The following ANO5 variants were observed in gnomAD, a reference collection of about 807,000 sequenced individuals.
The protein encoded by ANO5 is anoctamin 5, also known as anoctamin-5.
ANO5 carries 109 observed loss-of-function variants against 121.0 expected under a neutral mutation model. The observed-to-expected ratio is 0.90, with a 90% CI of 0.77 to 1.06. The LOEUF (loss-of-function observed/expected upper bound fraction) is 1.06. Ranked by LOEUF, ANO5 falls within the 50% of genes least tolerant of loss-of-function variation. The pLI is 0.00. For missense variants in ANO5, 1,064 were observed against 1,078.5 expected, an observed-to-expected ratio of 0.99 and a Z score of 0.19; for synonymous variants, 406 against 359.9, an observed-to-expected ratio of 1.13 and a Z score of -1.45.
chr11:22,225,092 G>A (rs1852779444), intron 5 of ANO5, among the ~76,000 whole-genome samples: 1 of 151,812 alleles, frequency 6.6e-6, no homozygotes, highest in Non-Finnish European at 1.5e-5. Context: ...AAGATGGTAA[G>A]TTATATATGT....
In ANO5 at chr11:22,221,221, T is replaced by A; in HGVS notation, c.294+11T>A. ...GCAGAGTTAAAGGCGGTAAGTGCAT[T>A]ATAACAGAAGTGGGAATAATAAAAA... On this transcript the variant is annotated intron_variant, in intron 5 of 21. Coordinates refer to ENST00000324559, the MANE Select transcript of ANO5 (RefSeq NM_213599.3). 6.4e-7 allele frequency: 1 copy of A among 1,565,896 alleles called. No homozygotes were observed. The highest frequency in any genetic ancestry group is 1.4e-5 in the African/African-American group (1 of 73,802).
intron 1 of ANO5, among the ~76,000 whole-genome samples, chr11:22,196,586 G>A (rs1851819622): frequency 6.7e-6 from 1 of 149,556 alleles, no homozygotes; most frequent in African/African-American, 2.5e-5. Context: ...AAATGACACT[G>A]TTGGCTGGGT....
Position 22,282,865 on chromosome 11 carries a change from T to C in ANO5, c.*3100T>C, listed in dbSNP as rs1855129294. ...TTGAAAGAAACTCTCTCATATTTCCTTTAAATTGTTAATAGTTGTTATGCA... is the reference window on the plus strand; with the variant it reads ...TTGAAAGAAACTCTCTCATATTTCCCTTAAATTGTTAATAGTTGTTATGCA... On this transcript the variant is annotated 3_prime_UTR_variant, in exon 22 of 22. Coordinates refer to ENST00000324559, the MANE Select transcript of ANO5 (RefSeq NM_213599.3). The C allele has an allele frequency of 6.6e-6, 1 of 152,182 alleles. No individual in the cohort carries two copies. Among genetic ancestry groups the C allele is most frequent in the Admixed American group, 6.5e-5 (1 of 15,276 alleles). 9.4% of individuals were successfully genotyped at this position (152,182 alleles called of 1,614,324 possible). A position where few individuals can be genotyped will look rare whatever the true frequency, so the allele number is the denominator to read the frequency against.
In ANO5 at chr11:22,270,371, G is replaced by A. The variant is rs1263581083; in HGVS notation, c.1958G>A (p.Ser653Asn). ...CGGACAAACTCTGAGAAGCTGTATA[G>A]TCGATGGGAGCAGGATCATGACCTT... ...KARTNSEKLY[S>N]RWEQDHDLES... The change falls in exon 18 of 22, where the codon AGT becomes AAT. Residue 653 changes from serine (S) to asparagine (N), a missense_variant. Transcript: ENST00000324559. 2 of 1,614,182 alleles carry A rather than the reference G, an allele frequency of 1.2e-6. No individual in the cohort carries two copies. Among genetic ancestry groups the A allele is most frequent in the East Asian group, 2.2e-5 (1 of 44,876 alleles).
intron 1 of ANO5, among the ~76,000 whole-genome samples, chr11:22,196,517 A>G (rs1444425449): frequency 5.5e-5 from 5 of 90,416 alleles, no homozygotes; most frequent in African/African-American, 1.9e-4. Flanking sequence ...TTTTTTTTTT[A>G]ATGAACATTC....
chr11:22,278,254 A>ATTGT (rs1261980687), intron 21 of ANO5, among the ~76,000 whole-genome samples: 1 of 151,580 alleles, frequency 6.6e-6, no homozygotes, highest in African/African-American at 2.4e-5. Flanking sequence ...GTCAATATTC[A>ATTGT]TTGTTTTAAA....
In ANO5 at chr11:22,193,406, A is replaced by G; in HGVS notation, c.-87A>G. ...ACTCCGGCGGCCCACAGTCAGATTC[A>G]GCACCTGCCTCAGATCTCCACGTCT... On this transcript the variant is annotated 5_prime_UTR_variant, in exon 1 of 22. Transcript: ENST00000324559. 1 of 1,553,762 alleles carries G rather than the reference A, an allele frequency of 6.4e-7. No individual in the cohort carries two copies. The highest frequency in any genetic ancestry group is 8.7e-7 in the Non-Finnish European group (1 of 1,150,580).
At chr11:22,237,642 G>A (rs1013990495) in intron 8 of ANO5, among the ~76,000 whole-genome samples, 7 of 152,048 alleles carry the variant, frequency 4.6e-5, no homozygotes, top group Middle Eastern at 3.2e-3. Context: ...TATTTATTCA[G>A]TAGTATGAGA....
chr11:22,260,553 T>C (rs1330642449), intron 15 of ANO5, among the ~76,000 whole-genome samples: 3 of 152,320 alleles, frequency 2.0e-5, no homozygotes, highest in South Asian at 2.1e-4. Context: ...CATTTTTACT[T>C]TTCTCTGCTA....
intron 9 of ANO5, among the ~76,000 whole-genome samples, chr11:22,241,687 T>A (rs554628270): frequency 6.6e-6 from 1 of 152,262 alleles, no homozygotes; most frequent in East Asian, 1.9e-4. Context: ...TGCTTGTATG[T>A]ATTTTGAGAA....
intron 1 of ANO5, among the ~76,000 whole-genome samples, chr11:22,199,497 G>C (rs914374273): frequency 1.3e-5 from 2 of 152,062 alleles, no homozygotes; most frequent in Admixed American, 1.3e-4. Flanking sequence ...GTAGCCTGTA[G>C]CCTCTGCTGT....
Position 22,259,716 on chromosome 11 carries a change from G to A in ANO5, c.1605G>A (p.Lys535=). 1 of 1,613,692 alleles carries A rather than the reference G, an allele frequency of 6.2e-7. No individual in the cohort carries two copies. Among genetic ancestry groups the A allele is most frequent in the Admixed American group, 1.7e-5 (1 of 59,994 alleles). Residue 535 remains lysine (K), a synonymous_variant, in exon 15 of 22, where the codon AAG becomes AAA. Transcript: ENST00000324559. ...TGATCTTGAATTTCTTTTATGAAAA[G>A]ATATCTGCCTGGATCACAAAAATGG... is the stretch of plus-strand genomic sequence containing the variant. ...VILILNFFYE[K]ISAWITKMEI...
rs1564920111 is a variant in ANO5 at position 22,221,224 on chromosome 11, A to C, written c.294+14A>C. ...GAGTTAAAGGCGGTAAGTGCATTAT[A>C]ACAGAAGTGGGAATAATAAAAAGAA... On this transcript the variant is annotated intron_variant, in intron 5 of 21. Coordinates refer to ENST00000324559, the MANE Select transcript of ANO5 (RefSeq NM_213599.3). The C allele has an allele frequency of 2.6e-6, 4 of 1,552,864 alleles. No homozygotes were observed. The South Asian group carries it at 4.5e-5, about 17-fold the overall frequency.
intron 8 of ANO5, among the ~76,000 whole-genome samples, chr11:22,238,278 G>T (rs1310380923): frequency 1.5e-5 from 2 of 137,072 alleles, no homozygotes; most frequent in Non-Finnish European, 3.1e-5. Context: ...AGACCTCATA[G>T]TTTTTTTTTT....
At chr11:22,267,221 T>C (rs1854397179) in intron 17 of ANO5, among the ~76,000 whole-genome samples, 1 of 152,032 alleles carries the variant, frequency 6.6e-6, no homozygotes. Context: ...TATACTTACT[T>C]CTAAATTTTT....
At chr11:22,259,948 G>GAAAAAAAAAAAA (rs36077990) in intron 15 of ANO5, among the ~76,000 whole-genome samples, 1 of 142,302 alleles carries the variant, frequency 7.0e-6, no homozygotes, top group Non-Finnish European at 1.5e-5. Context: ...CAAAATAACT[G>GAAAAAAAAAAAA]AAAAAAAAAA....
chr11:22,230,722 T>A (rs1337288305), intron 7 of ANO5, among the ~76,000 whole-genome samples: 1 of 151,798 alleles, frequency 6.6e-6, no homozygotes, highest in Non-Finnish European at 1.5e-5. Flanking sequence ...GCAAACCGGG[T>A]CCTCTCCTAA....
intron 6 of ANO5, 126 bp downstream of exon 6, chr11:22,226,178 T>C (rs1564922699): frequency 1.3e-6 from 1 of 743,422 alleles, no homozygotes; most frequent in Admixed American, 2.2e-5. Flanking sequence ...TACAGATATG[T>C]GCACCGGGAT....
chr11:22,221,759 A>G (rs1207121643), intron 5 of ANO5, among the ~76,000 whole-genome samples: 1 of 152,022 alleles, frequency 6.6e-6, no homozygotes, highest in East Asian at 1.9e-4. Flanking sequence ...TGGTTGGACT[A>G]TAATGGATAC....
Sources: allele counts gnomAD v4.1 joint callset (sites outside exome capture counted in the v4.1 genomes callset), GRCh38; gene constraint gnomAD v4.1.1; transcripts MANE v1.5; gene names NCBI Gene and HGNC (gene_info 2026-07-23, HGNC 2026-07-21).